Variants in PTPRZ1 observed in about 807,000 individuals in gnomAD.
PTPRZ1 encodes protein tyrosine phosphatase receptor type Z1.
Under a neutral mutation model 214.1 loss-of-function variants are expected in PTPRZ1, and 82 were observed. The observed-to-expected ratio is 0.38, with a 90% CI of 0.32 to 0.46. PTPRZ1 has a LOEUF of 0.46. Ranked by LOEUF, PTPRZ1 falls within the 20% of genes least tolerant of loss-of-function variation. The pLI is 1.00. For missense variants in PTPRZ1, 2,603 were observed against 2,748.7 expected, an observed-to-expected ratio of 0.95 and a Z score of 1.19; for synonymous variants, 945 against 987.9, an observed-to-expected ratio of 0.96 and a Z score of 0.81.
intron 1 of PTPRZ1, among the ~76,000 whole-genome samples, chr7:121,876,828 A>G (rs1004935139): frequency 6.6e-6 from 1 of 152,144 alleles, no homozygotes; most frequent in Non-Finnish European, 1.5e-5. Context: ...CTAGAGATTC[A>G]AGATCTTGCT....
At chr7:121,954,401 A>C (rs1190608883) in intron 2 of PTPRZ1, among the ~76,000 whole-genome samples, 1 of 152,098 alleles carries the variant, frequency 6.6e-6, no homozygotes, top group African/African-American at 2.4e-5. Flanking sequence ...TATTCTTCCC[A>C]AACAGCCATG....
chr7:121,917,208 G>A (rs1250881821), intron 1 of PTPRZ1, among the ~76,000 whole-genome samples: 2 of 152,158 alleles, frequency 1.3e-5, no homozygotes, highest in Non-Finnish European at 2.9e-5. Flanking sequence ...AGCAGTAGAT[G>A]TAATCTTTTT....
At position 122,012,463 on chromosome 7, in the gene PTPRZ1, G is replaced by C; in HGVS notation, c.3417G>C (p.Ser1139=). 3 of 1,613,610 alleles carry C rather than the reference G, an allele frequency of 1.9e-6. No individual in the cohort carries two copies. The highest frequency in any genetic ancestry group is 8.5e-7 in the Non-Finnish European group (1 of 1,179,696). ...TCTCTCAAGCATCTGGTGACACTTC[G>C]CTTAAACCTGTGCTTAGTGCAAACT... ...HTVSQASGDT[S]LKPVLSANSE... The change falls in exon 12 of 30, where the codon TCG becomes TCC. Residue 1139 remains serine (S), a synonymous_variant. Coordinates refer to ENST00000393386, the MANE Select transcript of PTPRZ1 (RefSeq NM_002851.3).
At chr7:121,984,368 G>A (rs1348446159) in intron 8 of PTPRZ1, among the ~76,000 whole-genome samples, 2 of 152,062 alleles carry the variant, frequency 1.3e-5, no homozygotes, top group Non-Finnish European at 2.9e-5. Context: ...ATTTAATAAG[G>A]AAAATCATTT....
intron 1 of PTPRZ1, among the ~76,000 whole-genome samples, chr7:121,906,416 A>T (rs1036110863): frequency 6.6e-6 from 1 of 152,274 alleles, no homozygotes; most frequent in East Asian, 1.9e-4. Flanking sequence ...CCTTCTTACT[A>T]ATGTACTAAA....
intron 2 of PTPRZ1, among the ~76,000 whole-genome samples, chr7:121,942,015 G>A (rs1294722148): frequency 6.6e-6 from 1 of 152,076 alleles, no homozygotes; most frequent in African/African-American, 2.4e-5. Context: ...CTTTGCATTC[G>A]TTTCACAATC....
In PTPRZ1 at chr7:121,913,910, G is replaced by A. The variant is rs901324306; in HGVS notation, c.59-14246G>A. On this transcript the variant is annotated intron_variant, in intron 1 of 29. Transcript: ENST00000393386. ...ACAAAAACCGTCTAACCTAATTCCC[G>A]GGAAAAAAACTGGAACTCTGCCTAG... Among the ~76,000 whole-genome samples, 7 of 152,142 alleles carry A rather than the reference G, an allele frequency of 4.6e-5. No individual in the cohort carries two copies. The East Asian group carries it at 7.7e-4, about 17-fold the overall frequency.
At chr7:121,957,919 C>T (rs939529076) in intron 2 of PTPRZ1, among the ~76,000 whole-genome samples, 2 of 152,184 alleles carry the variant, frequency 1.3e-5, no homozygotes, top group East Asian at 1.9e-4. Context: ...TTCTTTCCTC[C>T]GTTAGGCTAA....
At chr7:121,916,272 C>A (rs76607364) in intron 1 of PTPRZ1, among the ~76,000 whole-genome samples, 547 of 109,370 alleles carry the variant, frequency 5.0e-3, no homozygotes, top group Admixed American at 5.2e-3. Context: ...GACTCCATCT[C>A]AAAAAAAAAA....
chr7:122,036,717 C>T (rs1166157982), intron 18 of PTPRZ1, 35 bp downstream of exon 18: 2 of 1,400,816 alleles, frequency 1.4e-6, no homozygotes, highest in Admixed American at 3.4e-5. Context: ...TTATAGAAAT[C>T]ATATTAGACT....
intron 11 of PTPRZ1, among the ~76,000 whole-genome samples, chr7:122,007,085 C>T (rs191957965): frequency 1.3e-5 from 2 of 152,104 alleles, no homozygotes; most frequent in Admixed American, 1.3e-4. Context: ...TGGAGAGAGG[C>T]TGTGGAAAGC....
intron 2 of PTPRZ1, among the ~76,000 whole-genome samples, chr7:121,932,729 C>G (rs1174420242): frequency 6.6e-6 from 1 of 152,006 alleles, no homozygotes; most frequent in Non-Finnish European, 1.5e-5. Context: ...AATGCAATCA[C>G]TTGAGCTAAA....
chr7:121,889,325 A>G (rs1488077401), intron 1 of PTPRZ1, among the ~76,000 whole-genome samples: 1 of 152,162 alleles, frequency 6.6e-6, no homozygotes, highest in Non-Finnish European at 1.5e-5. Flanking sequence ...AAAGGGCTGT[A>G]AAATACTAGA....
At position 122,019,059 on chromosome 7, in the gene PTPRZ1, T is replaced by C. The variant is rs1357097612; in HGVS notation, c.4844-65T>C. ...AGCAATGAAGGTTGCAATTAATCAG[T>C]TGAAAAATGCTGTGACTTTTCCTTC... On this transcript the variant is annotated intron_variant, in intron 12 of 29. Transcript: ENST00000393386. The C allele has an allele frequency of 5.5e-6, 8 of 1,466,750 alleles. No homozygotes were observed. The South Asian group carries it at 8.8e-5, about 16-fold the overall frequency. The allele number at this position is 1,466,750 out of a possible 1,614,324, so 90.9% of individuals were successfully genotyped here. A position where few individuals can be genotyped will look rare whatever the true frequency, so the allele number is the denominator to read the frequency against.
intron 6 of PTPRZ1, among the ~76,000 whole-genome samples, chr7:121,977,429 A>G (rs1337090946): frequency 6.6e-6 from 1 of 152,202 alleles, no homozygotes; most frequent in East Asian, 1.9e-4. Context: ...TTTTAACAAC[A>G]TGGGCAGAGG....
chr7:122,050,880 T>A (rs767081984), intron 23 of PTPRZ1, among the ~76,000 whole-genome samples: 8 of 152,288 alleles, frequency 5.3e-5, no homozygotes, highest in Non-Finnish European at 1.0e-4. Context: ...TAATGCTCTA[T>A]GGAAACCGTC....
chr7:121,924,081 C>T (rs1795681698), intron 1 of PTPRZ1, among the ~76,000 whole-genome samples: 1 of 152,002 alleles, frequency 6.6e-6, no homozygotes. Context: ...ATCATGTGAA[C>T]AATCACTTCC....
intron 6 of PTPRZ1, among the ~76,000 whole-genome samples, chr7:121,980,177 G>T (rs1797561853): frequency 6.6e-6 from 1 of 152,056 alleles, no homozygotes; most frequent in Non-Finnish European, 1.5e-5. Flanking sequence ...CTCTCCTGGG[G>T]TCAATTCATT....
chr7:121,946,228 G>C (rs1056487355), intron 2 of PTPRZ1, among the ~76,000 whole-genome samples: 1 of 152,190 alleles, frequency 6.6e-6, no homozygotes, highest in African/African-American at 2.4e-5. Context: ...CAACTATATA[G>C]AGCCACTGTT....
Sources: gnomAD v4.1 joint callset for allele counts (sites outside exome capture counted in the v4.1 genomes callset) on GRCh38, gnomAD v4.1.1 for gene constraint, MANE v1.5 for transcripts, NCBI Gene and HGNC (gene_info 2026-07-23, HGNC 2026-07-21) for gene names.